The following SGCG variants were observed in gnomAD, a reference collection of about 807,000 sequenced individuals.
The protein encoded by SGCG is gamma-sarcoglycan.
SGCG carries 26 observed loss-of-function variants against 29.3 expected under a neutral mutation model. The observed-to-expected ratio is 0.89, with a 90% CI of 0.65 to 1.23. The LOEUF is 1.23. Among genes scored for constraint, SGCG ranks in the 50% most tolerant of loss-of-function variants. SGCG has a pLI of 0.00. For missense variants in SGCG, 353 were observed against 356.0 expected, an observed-to-expected ratio of 0.99 and a Z score of 0.07; for synonymous variants, 145 against 129.7, an observed-to-expected ratio of 1.12 and a Z score of -0.80.
chr13:23,296,668 C>T (rs567118830), intron 6 of SGCG, among the ~76,000 whole-genome samples: 77 of 152,208 alleles, frequency 5.1e-4, no homozygotes, highest in Non-Finnish European at 8.8e-4. Flanking sequence ...CTCATATGAG[C>T]GAAATAATAC....
intron 5 of SGCG, among the ~76,000 whole-genome samples, chr13:23,287,404 CTGAA>C (rs10560450): frequency 0.43 from 65,468 of 151,624 alleles, 14,916 homozygotes; most frequent in Middle Eastern, 0.64. Flanking sequence ...GCACAAAGAA[CTGAA>C]TGAATTCTGC....
chr13:23,175,677 A>T, the SGCG span, among the ~76,000 whole-genome samples: 3 of 152,126 alleles, frequency 2.0e-5, no homozygotes, highest in Admixed American at 2.0e-4. Context: ...TTTATTACAT[A>T]TGAATTTCTC....
intron 6 of SGCG, among the ~76,000 whole-genome samples, chr13:23,302,176 AC>A (rs1882185994): frequency 6.6e-6 from 1 of 151,834 alleles, no homozygotes; most frequent in African/African-American, 2.4e-5. Context: ...CAGTTCACTT[AC>A]CCAAAATTTT....
chr13:23,246,944 GACTT>G (rs1879734991), intron 3 of SGCG: 1 of 153,530 alleles, frequency 6.5e-6, no homozygotes, highest in African/African-American at 2.4e-5. Flanking sequence ...TGGCAATTCT[GACTT>G]ACTCTTCTGC....
chr13:23,208,898 G>A (rs1008595347), intron 2 of SGCG, among the ~76,000 whole-genome samples: 1 of 151,814 alleles, frequency 6.6e-6, no homozygotes, highest in African/African-American at 2.4e-5. Flanking sequence ...AATATACATG[G>A]GTCATATCTG....
chr13:23,197,627 A>G (rs1191214050), intron 1 of SGCG, among the ~76,000 whole-genome samples: 1 of 152,256 alleles, frequency 6.6e-6, no homozygotes, highest in Non-Finnish European at 1.5e-5. Context: ...TGCAAAGAGA[A>G]TTAGTATATT....
chr13:23,240,096 A>G (rs563572553), intron 3 of SGCG, among the ~76,000 whole-genome samples: 3 of 152,192 alleles, frequency 2.0e-5, no homozygotes, highest in Non-Finnish European at 2.9e-5. Flanking sequence ...AAACACAAAT[A>G]GGTTGAAAGT....
At chr13:23,319,160 C>T (rs1243109054) in intron 6 of SGCG, among the ~76,000 whole-genome samples, 9 of 152,010 alleles carry the variant, frequency 5.9e-5, no homozygotes, top group Admixed American at 3.3e-4. Flanking sequence ...TAGCTGGACA[C>T]GGTGGCGGGT....
At chr13:23,206,275 C>G (rs1422730923) in intron 2 of SGCG, among the ~76,000 whole-genome samples, 1 of 152,164 alleles carries the variant, frequency 6.6e-6, no homozygotes, top group Non-Finnish European at 1.5e-5. Context: ...GGAACTTACT[C>G]ATCCTGCTTG....
At chr13:23,251,162 C>G (rs1480359405) in intron 4 of SGCG, among the ~76,000 whole-genome samples, 7 of 152,230 alleles carry the variant, frequency 4.6e-5, no homozygotes, top group Non-Finnish European at 7.3e-5. Context: ...ATCTTTGCCA[C>G]CATTTTCACT....
rs143310461 is a variant in SGCG, at chr13:23,301,354, A to G, written c.578+5867A>G. ...TGGGAAATAACAAAATAGAAATTAT[A>G]GAAATGAGACATGAAGTAATTAAAA... On this transcript the variant is annotated intron_variant, in intron 6 of 7. Coordinates refer to ENST00000218867, the MANE Select transcript of SGCG (RefSeq NM_000231.3). Among the ~76,000 whole-genome samples the G allele has an allele frequency of 5.5e-3, 832 of 152,340 alleles. 8 individuals carry two copies. Among genetic ancestry groups the G allele is most frequent in the African/African-American group, 0.019 (790 of 41,576 alleles).
chr13:23,162,347 G>T, the SGCG span, among the ~76,000 whole-genome samples: 13 of 152,220 alleles, frequency 8.5e-5, no homozygotes, highest in African/African-American at 3.1e-4. Flanking sequence ...GGGCGCGGTG[G>T]CTCACGCCTG....
At chr13:23,165,081 ACTTT>A in the SGCG span, among the ~76,000 whole-genome samples, 4 of 152,190 alleles carry the variant, frequency 2.6e-5, no homozygotes, top group African/African-American at 9.7e-5. Context: ...TCAAAGAAGG[ACTTT>A]CTGAGAGAGA....
At chr13:23,313,202 T>C (rs1043950458) in intron 6 of SGCG, among the ~76,000 whole-genome samples, 3 of 151,240 alleles carry the variant, frequency 2.0e-5, no homozygotes, top group Admixed American at 6.6e-5. Context: ...TCTCACTCTG[T>C]CATCCAGGCT....
At chr13:23,261,564 A>G (rs1880439487) in intron 4 of SGCG, among the ~76,000 whole-genome samples, 2 of 152,096 alleles carry the variant, frequency 1.3e-5, no homozygotes, top group Non-Finnish European at 2.9e-5. Flanking sequence ...AGAAAAAACA[A>G]AATGTTTGGA....
the SGCG span, among the ~76,000 whole-genome samples, chr13:23,174,475 A>ACAG: frequency 1.3e-5 from 2 of 152,232 alleles, no homozygotes; most frequent in Admixed American, 6.5e-5. Flanking sequence ...ATAATGGAAA[A>ACAG]TGAAGGCAAG....
At chr13:23,226,230 A>G (rs9580577) in intron 2 of SGCG, among the ~76,000 whole-genome samples, 15,780 of 152,296 alleles carry the variant, frequency 0.1, 974 homozygotes, top group Middle Eastern at 0.14. Context: ...TATAAGAGAC[A>G]GTTAAAAGAA....
At chr13:23,319,511 A>G (rs1448587563) in intron 6 of SGCG, among the ~76,000 whole-genome samples, 1 of 152,202 alleles carries the variant, frequency 6.6e-6, no homozygotes, top group Non-Finnish European at 1.5e-5. Flanking sequence ...ACAAATAGTC[A>G]TAGATTAAAA....
At chr13:23,280,367 A>G (rs1394234898) in intron 5 of SGCG, among the ~76,000 whole-genome samples, 1 of 152,182 alleles carries the variant, frequency 6.6e-6, no homozygotes, top group Non-Finnish European at 1.5e-5. Flanking sequence ...TAGCAATGTT[A>G]TTGTCTCACA....
Sources: allele counts gnomAD v4.1 joint callset (sites outside exome capture counted in the v4.1 genomes callset), GRCh38; gene constraint gnomAD v4.1.1; transcripts MANE v1.5; gene names NCBI Gene and HGNC (gene_info 2026-07-23, HGNC 2026-07-21).